The following PHF14 variants were observed in gnomAD, a reference collection of about 807,000 sequenced individuals.
PHF14 encodes PHD finger protein 14.
Under a neutral mutation model 117.9 loss-of-function variants are expected in PHF14, and 55 were observed. The observed-to-expected ratio is 0.47, with a 90% confidence interval of 0.38 to 0.58. The LOEUF (loss-of-function observed/expected upper bound fraction) is 0.58. PHF14 is among the 20% of genes least tolerant of loss of function. The pLI is 0.00. For missense variants in PHF14, 978 were observed against 1,122.2 expected (o/e 0.87, Z 1.84); for synonymous variants, 409 against 368.6 (o/e 1.11, Z -1.26).
At chr7:11,003,974 T>C (rs1782976590) in intron 4 of PHF14, among the ~76,000 whole-genome samples, 1 of 151,958 alleles carries the variant, frequency 6.6e-6, no homozygotes, top group Non-Finnish European at 1.5e-5. Context: ...CCAGTTGGGC[T>C]TGGTGGCTCA....
Position 11,122,348 on chromosome 7 carries a change from T to TACACACACAC in PHF14, c.2772+10882_2772+10883insCACACACACA, listed in dbSNP as rs1311000231. Among the ~76,000 whole-genome samples, 89 of 61,608 alleles carry TACACACACAC rather than the reference T, an allele frequency of 1.4e-3. No individual in the cohort carries two copies. In the East Asian group the frequency reaches 0.015, roughly 10 times the overall value. 40.4% of individuals were successfully genotyped at this position (61,608 alleles called of 152,430 possible). A position where few individuals can be genotyped will look rare whatever the true frequency, so the allele number is the denominator to read the frequency against. On this transcript the variant is annotated intron_variant, in intron 17 of 17. Transcript: ENST00000634607. ...TGTACTTTTTATATATATATATATA[T>TACACACACAC]ATATACACACACACACACACACACA...
chr7:11,107,428 C>A, intron 16 of PHF14: 1 of 831,136 alleles, frequency 1.2e-6, no homozygotes, highest in Non-Finnish European at 1.4e-6. Context: ...ACATCTATAT[C>A]TGTTATTAAT....
chr7:11,095,826 C>G (rs1409909806), intron 16 of PHF14, among the ~76,000 whole-genome samples: 1 of 151,932 alleles, frequency 6.6e-6, no homozygotes, highest in African/African-American at 2.4e-5. Context: ...GAGATAAAAC[C>G]TCAACTGGAT....
In PHF14 at chr7:11,062,863, T is replaced by C. The variant is rs538858678; in HGVS notation, c.2654+778T>C. 5.1e-6 allele frequency: 5 copies of C among 984,250 alleles called. No homozygotes were observed. In the South Asian group the frequency reaches 1.4e-4, roughly 28 times the overall value. 61.0% of individuals were successfully genotyped at this position (984,250 alleles called of 1,614,324 possible). On this transcript the variant is annotated intron_variant, in intron 16 of 17. Transcript: ENST00000634607. ...TCAAAGGACAGTGTCACAAAAGTTCTTACAGTTCTTACAGGGACTTTGTAA... is the reference window on the plus strand; with the variant it reads ...TCAAAGGACAGTGTCACAAAAGTTCCTACAGTTCTTACAGGGACTTTGTAA...
At chr7:10,987,882 G>T (rs969395489) in intron 3 of PHF14, among the ~76,000 whole-genome samples, 5 of 151,570 alleles carry the variant, frequency 3.3e-5, no homozygotes, top group African/African-American at 7.3e-5. Flanking sequence ...TGGGCGTGGT[G>T]GTACATACCT....
intron 7 of PHF14, among the ~76,000 whole-genome samples, chr7:11,031,993 G>A (rs562786316): frequency 2.6e-5 from 4 of 152,168 alleles, no homozygotes; most frequent in South Asian, 4.2e-4. Flanking sequence ...GGTGGCACAC[G>A]CCTGTAATCC....
At chr7:11,067,516 A>T (rs1785463659) in intron 16 of PHF14, among the ~76,000 whole-genome samples, 1 of 152,232 alleles carries the variant, frequency 6.6e-6, no homozygotes, top group Admixed American at 6.5e-5. Context: ...ACCTGTTTTC[A>T]TAGCAACATT....
At chr7:11,075,200 A>G (rs1324483414) in intron 16 of PHF14, among the ~76,000 whole-genome samples, 1 of 151,890 alleles carries the variant, frequency 6.6e-6, no homozygotes, top group Non-Finnish European at 1.5e-5. Context: ...CATCCTCCCA[A>G]AGTGCTGGGA....
At position 10,983,117 on chromosome 7, in the gene PHF14, G is replaced by A. The variant is rs1782100519; in HGVS notation, c.858G>A (p.Leu286=). Reference sequence around the variant, plus strand: ...GAAACAGTGCTGATGATGAGGAACTGACCAATGATAGCCTGACCCTATCTC... The same window carrying A: ...GAAACAGTGCTGATGATGAGGAACTAACCAATGATAGCCTGACCCTATCTC... ...LSRNSADDEE[L]TNDSLTLSQS... The change falls in exon 3 of 18, where the codon CTG becomes CTA. Residue 286 remains leucine, a synonymous_variant. Coordinates refer to ENST00000634607, the MANE Select transcript of PHF14 (RefSeq NM_001007157.2). The A allele has an allele frequency of 3.1e-6, 5 of 1,599,030 alleles. No homozygotes were observed. Among genetic ancestry groups the A allele is most frequent in the African/African-American group, 1.3e-5 (1 of 74,904 alleles).
Position 11,040,394 on chromosome 7 carries a change from G to A in PHF14, c.2077-278G>A, listed in dbSNP as rs143407686. Among the ~76,000 whole-genome samples the A allele has an allele frequency of 1.3e-4, 20 of 151,994 alleles. No individual in the cohort carries two copies. The East Asian group carries it at 1.9e-3, about 15-fold the overall frequency. On this transcript the variant is annotated intron_variant, in intron 11 of 17. Coordinates refer to ENST00000634607, the MANE Select transcript of PHF14 (RefSeq NM_001007157.2). The stretch of plus-strand genomic sequence containing the variant: ...GTTTTGTTTTTTTTAAACCTCCTAC[G>A]TATGTGTCTTTGTCTTTGAAAGCTG...
intron 4 of PHF14, among the ~76,000 whole-genome samples, chr7:10,991,741 T>A (rs911218762): frequency 3.8e-4 from 51 of 134,000 alleles, no homozygotes; most frequent in Admixed American, 2.0e-3. Flanking sequence ...TGTTTTTTTT[T>A]AATTTTTTAA....
intron 17 of PHF14, among the ~76,000 whole-genome samples, chr7:11,152,382 A>G (rs187999030): frequency 6.6e-6 from 1 of 152,300 alleles, no homozygotes; most frequent in Non-Finnish European, 1.5e-5. Context: ...CCTCATTGGA[A>G]CATAGGAACA....
intron 16 of PHF14, among the ~76,000 whole-genome samples, chr7:11,072,549 A>G (rs1001409403): frequency 2.6e-5 from 4 of 152,202 alleles, no homozygotes; most frequent in Non-Finnish European, 1.5e-5. Flanking sequence ...CCTACTCCAT[A>G]GATTGTCTGG....
chr7:11,122,779 C>A (rs1027388531), intron 17 of PHF14, among the ~76,000 whole-genome samples: 23 of 152,044 alleles, frequency 1.5e-4, no homozygotes, highest in African/African-American at 5.1e-4. Context: ...CCCTATAGTT[C>A]CAGCTTAGTC....
chr7:11,168,004 C>T (rs887676831), intron 17 of PHF14, among the ~76,000 whole-genome samples: 2 of 128,858 alleles, frequency 1.6e-5, no homozygotes, highest in Non-Finnish European at 3.1e-5. Context: ...CCAGCCTGGG[C>T]GAAAGAGTCC....
intron 16 of PHF14, among the ~76,000 whole-genome samples, chr7:11,067,781 A>C (rs966808446): frequency 1.3e-5 from 2 of 152,116 alleles, no homozygotes; most frequent in African/African-American, 4.8e-5. Flanking sequence ...GGTAAAGGAG[A>C]ACTGGTATGA....
intron 17 of PHF14, among the ~76,000 whole-genome samples, chr7:11,123,330 C>T (rs898071103): frequency 5.3e-5 from 8 of 152,034 alleles, no homozygotes; most frequent in East Asian, 1.9e-4. Flanking sequence ...TTTAATTGGC[C>T]GTTTCCTCTT....
chr7:11,128,353 C>T (rs761815577), intron 17 of PHF14, among the ~76,000 whole-genome samples: 7 of 151,952 alleles, frequency 4.6e-5, no homozygotes, highest in Non-Finnish European at 8.8e-5. Context: ...TTATCTTTCT[C>T]CTCTCAGCCT....
intron 17 of PHF14, among the ~76,000 whole-genome samples, chr7:11,138,017 A>T (rs1018735860): frequency 6.6e-6 from 1 of 151,156 alleles, no homozygotes; most frequent in Non-Finnish European, 1.5e-5. Flanking sequence ...TTAAAATTTC[A>T]TGAGGAAACA....
Sources: allele counts gnomAD v4.1 joint callset (sites outside exome capture counted in the v4.1 genomes callset), GRCh38; gene constraint gnomAD v4.1.1; transcripts MANE v1.5; gene names NCBI Gene and HGNC (gene_info 2026-07-23, HGNC 2026-07-21).